ARHGAP6: variants seen among roughly 807,000 people sequenced by gnomAD.
ARHGAP6 encodes the protein rho GTPase-activating protein 6.
Under a neutral mutation model 55.7 loss-of-function variants are expected in ARHGAP6, and 16 were observed. The observed-to-expected ratio is 0.29, with a 90% CI of 0.19 to 0.44. The LOEUF (loss-of-function observed/expected upper bound fraction) is 0.44, where lower values mean the gene tolerates loss of function less well. Among genes scored for constraint, ARHGAP6 ranks in the 20% least tolerant of loss-of-function variants. The pLI, the probability that ARHGAP6 is intolerant of heterozygous loss-of-function variation, is 1.00. For missense variants in ARHGAP6, 698 were observed against 808.9 expected (o/e 0.86, Z 1.66); for synonymous variants, 382 against 360.9 (o/e 1.06, Z -0.66).
At chrX:11,600,155 G>A (rs2051952198) in intron 1 of ARHGAP6, among the ~76,000 whole-genome samples, 1 of 111,793 alleles carries the variant, frequency 8.9e-6, no homozygotes. Context: ...TACAGGCACA[G>A]CATGCTGCCC....
At chrX:11,495,250 C>A (rs2050610401) in intron 1 of ARHGAP6, among the ~76,000 whole-genome samples, 1 of 110,801 alleles carries the variant, frequency 9.0e-6, no homozygotes, top group Non-Finnish European at 1.9e-5. Context: ...CCAGCCTCTG[C>A]CCCCACCCAC....
At chrX:11,657,453 A>C (rs2052651807) in intron 1 of ARHGAP6, among the ~76,000 whole-genome samples, 1 of 108,612 alleles carries the variant, frequency 9.2e-6, no homozygotes, top group African/African-American at 3.3e-5. Context: ...GGAAACAAAA[A>C]AGGGAGGAGT....
intron 1 of ARHGAP6, among the ~76,000 whole-genome samples, chrX:11,507,792 T>C (rs964801508): frequency 3.6e-5 from 4 of 112,022 alleles, no homozygotes; most frequent in African/African-American, 9.7e-5. Flanking sequence ...CCCCAGCTCC[T>C]TGCAGTTGCC....
chrX:11,171,397 CAA>C lies in ARHGAP6; in HGVS notation c.1630-1715_1630-1714del, dbSNP rs200156085. On this transcript the variant is annotated intron_variant, in intron 8 of 12. Transcript: ENST00000337414. The stretch of plus-strand genomic sequence containing the variant: ...ACATGCTACAATAATCTTTCCACTA[CAA>C]AAAAAAAAAAAATCCTGTCTTCAGG... 7.8e-3 allele frequency among the ~76,000 whole-genome samples: 758 copies of C among 97,115 alleles called. 19 individuals are homozygous for C. The East Asian group carries it at 0.08, about 10-fold the overall frequency. 84.3% of individuals were successfully genotyped at this position (97,115 alleles called of 115,157 possible).
chrX:11,289,951 C>G (rs1418675285), intron 1 of ARHGAP6, among the ~76,000 whole-genome samples: 1 of 112,329 alleles, frequency 8.9e-6, no homozygotes, highest in Non-Finnish European at 1.9e-5. Context: ...TACCACTTCA[C>G]TCCAGCCTGG....
intron 1 of ARHGAP6, among the ~76,000 whole-genome samples, chrX:11,565,548 G>A (rs993387079): frequency 8.9e-6 from 1 of 112,551 alleles, no homozygotes; most frequent in Non-Finnish European, 1.9e-5. Context: ...GGTGATGGCA[G>A]GCAGATGAAC....
intron 1 of ARHGAP6, among the ~76,000 whole-genome samples, chrX:11,581,648 T>C (rs909225179): frequency 1.8e-5 from 2 of 111,168 alleles, no homozygotes; most frequent in African/African-American, 6.5e-5. Context: ...TTAAGCTACA[T>C]GAAAGAAGCC....
chrX:11,487,784 A>G (rs760397677), intron 1 of ARHGAP6, among the ~76,000 whole-genome samples: 1 of 111,719 alleles, frequency 9.0e-6, no homozygotes, highest in South Asian at 3.8e-4. Context: ...GGTGATATAA[A>G]TGAACAAATA....
At chrX:11,224,077 T>C (rs1465512391) in intron 2 of ARHGAP6, 1 of 136,330 alleles carries the variant, frequency 7.3e-6, no homozygotes, top group African/African-American at 3.2e-5. Context: ...TTTTCATCTC[T>C]CTATGACATA....
intron 10 of ARHGAP6, among the ~76,000 whole-genome samples, chrX:11,153,370 C>A (rs974405370): frequency 1.8e-5 from 2 of 108,410 alleles, no homozygotes; most frequent in African/African-American, 6.7e-5. Context: ...ACTAAAAATA[C>A]ATAAATTAGC....
chrX:11,324,550 C>A (rs1391893221), intron 1 of ARHGAP6, among the ~76,000 whole-genome samples: 4 of 108,795 alleles, frequency 3.7e-5, no homozygotes, highest in African/African-American at 1.0e-4. Context: ...CACTCACCTT[C>A]CAGTCCTGAT....
intron 1 of ARHGAP6, among the ~76,000 whole-genome samples, chrX:11,568,202 A>G (rs1253228373): frequency 2.7e-5 from 3 of 112,227 alleles, no homozygotes; most frequent in African/African-American, 9.7e-5. Flanking sequence ...TGAATCTCCA[A>G]CAAAAAATAG....
At chrX:11,527,017 T>C (rs1376610781) in intron 1 of ARHGAP6, among the ~76,000 whole-genome samples, 4 of 90,511 alleles carry the variant, frequency 4.4e-5, no homozygotes, top group African/African-American at 1.9e-4. Context: ...GAGGAGTGTG[T>C]GTGTGTGTGT....
intron 1 of ARHGAP6, among the ~76,000 whole-genome samples, chrX:11,649,738 T>C (rs1441484074): frequency 8.9e-6 from 1 of 111,851 alleles, no homozygotes; most frequent in Non-Finnish European, 1.9e-5. Flanking sequence ...CAATTATATA[T>C]GGTAATAGCC....
intron 2 of ARHGAP6, among the ~76,000 whole-genome samples, chrX:11,248,583 C>G (rs933327444): frequency 8.1e-5 from 9 of 111,394 alleles, no homozygotes; most frequent in African/African-American, 2.6e-4. Flanking sequence ...AAAAAACAAA[C>G]AATCCCATCA....
intron 1 of ARHGAP6, among the ~76,000 whole-genome samples, chrX:11,509,101 A>C (rs2050760905): frequency 8.9e-6 from 1 of 111,965 alleles, no homozygotes; most frequent in African/African-American, 3.2e-5. Flanking sequence ...CGATCTACTT[A>C]CAGTGTTGAT....
intron 1 of ARHGAP6, among the ~76,000 whole-genome samples, chrX:11,497,545 T>TCCCC (rs2050634868): frequency 5.7e-4 from 6 of 10,511 alleles, no homozygotes; most frequent in Non-Finnish European, 1.1e-3. Context: ...TCCCACCCCC[T>TCCCC]TCCCCCTCCC....
chrX:11,459,936 T>C (rs1215355202), intron 1 of ARHGAP6, among the ~76,000 whole-genome samples: 1 of 111,910 alleles, frequency 8.9e-6, no homozygotes, highest in Non-Finnish European at 1.9e-5. Flanking sequence ...AAAAGTGTTA[T>C]AGTTGATCCT....
chrX:11,228,871 C>T (rs1470116836), intron 2 of ARHGAP6, among the ~76,000 whole-genome samples: 7 of 111,792 alleles, frequency 6.3e-5, no homozygotes, highest in Non-Finnish European at 9.4e-5. Context: ...AGTTAATTCT[C>T]GTATAAATTA....
Sources: allele counts gnomAD v4.1 joint callset (sites outside exome capture counted in the v4.1 genomes callset), GRCh38; gene constraint gnomAD v4.1.1; transcripts MANE v1.5; gene names NCBI Gene and HGNC (gene_info 2026-07-23, HGNC 2026-07-21).